Variants in PACRG observed in about 807,000 individuals in gnomAD.
PACRG encodes the protein parkin coregulated.
Under a neutral mutation model 29.7 loss-of-function variants are expected in PACRG, and 29 were observed. The ratio of observed to expected loss-of-function variants is 0.98; its 90% CI spans 0.73 to 1.33. PACRG has a LOEUF of 1.33. Among genes scored for constraint, PACRG ranks in the 40% most tolerant of loss-of-function variants. The probability of loss-of-function intolerance (pLI) is 0.00; values close to 1 mark genes in which losing one functional copy is unlikely to be tolerated. For missense variants in PACRG, 279 were observed against 316.2 expected (o/e 0.88, Z 0.89); for synonymous variants, 116 against 118.7 (o/e 0.98, Z 0.15).
intron 4 of PACRG, among the ~76,000 whole-genome samples, chr6:163,302,540 C>T (rs1038973316): frequency 6.6e-6 from 1 of 152,202 alleles, no homozygotes; most frequent in Non-Finnish European, 1.5e-5. Flanking sequence ...TAACTGAGTT[C>T]AGCCAGCAGA....
chr6:163,020,890 A>G (rs1446102490), intron 2 of PACRG, among the ~76,000 whole-genome samples: 1 of 152,106 alleles, frequency 6.6e-6, no homozygotes, highest in African/African-American at 2.4e-5. Flanking sequence ...AATGTCTACA[A>G]TTAACTCTTG....
chr6:162,824,736 G>A (rs67712738), intron 2 of PACRG, among the ~76,000 whole-genome samples: 15,427 of 152,190 alleles, frequency 0.1, 924 homozygotes, highest in Middle Eastern at 0.17. Flanking sequence ...GGAAAGACAT[G>A]GTGCTGAGCT....
At chr6:163,119,776 G>A (rs1293924685) in intron 4 of PACRG, among the ~76,000 whole-genome samples, 1 of 152,180 alleles carries the variant, frequency 6.6e-6, no homozygotes, top group African/African-American at 2.4e-5. Flanking sequence ...GAAAAGTGCT[G>A]AGAAAACAAT....
chr6:163,281,076 TG>T (rs1412733364), intron 4 of PACRG, among the ~76,000 whole-genome samples: 2 of 151,750 alleles, frequency 1.3e-5, no homozygotes, highest in East Asian at 3.9e-4. Context: ...CATCCGGAGA[TG>T]GGGGGATGCT....
intron 2 of PACRG, among the ~76,000 whole-genome samples, chr6:162,937,806 A>C (rs541938916): frequency 2.0e-5 from 3 of 152,268 alleles, no homozygotes; most frequent in East Asian, 3.9e-4. Flanking sequence ...CCAAAACTTC[A>C]AATCTAGGAA....
At chr6:162,998,599 A>G (rs1177143252) in intron 2 of PACRG, among the ~76,000 whole-genome samples, 1 of 152,140 alleles carries the variant, frequency 6.6e-6, no homozygotes, top group African/African-American at 2.4e-5. Flanking sequence ...ATGAGAATTC[A>G]TTCTTTGTTA....
At chr6:163,245,511 T>C (rs1213946568) in intron 4 of PACRG, among the ~76,000 whole-genome samples, 1 of 152,140 alleles carries the variant, frequency 6.6e-6, no homozygotes, top group Non-Finnish European at 1.5e-5. Flanking sequence ...TATGGTTAGT[T>C]CTAAGTCAGC....
intron 4 of PACRG, among the ~76,000 whole-genome samples, chr6:163,272,437 C>T (rs919106284): frequency 1.3e-5 from 2 of 152,188 alleles, no homozygotes; most frequent in African/African-American, 4.8e-5. Flanking sequence ...TTACAATCCT[C>T]CTAAATGTGA....
intron 2 of PACRG, among the ~76,000 whole-genome samples, chr6:162,948,165 C>T (rs1799383222): frequency 6.6e-6 from 1 of 152,052 alleles, no homozygotes; most frequent in Admixed American, 6.6e-5. Flanking sequence ...CTTTAGTAAC[C>T]AGAACAGGAT....
At chr6:163,159,252 A>G (rs1778448675) in intron 4 of PACRG, among the ~76,000 whole-genome samples, 1 of 131,972 alleles carries the variant, frequency 7.6e-6, no homozygotes, top group South Asian at 2.2e-4. Flanking sequence ...TTAGCTAAGA[A>G]TAAATACTGT....
intron 4 of PACRG, among the ~76,000 whole-genome samples, chr6:163,274,798 A>G (rs1370212313): frequency 2.6e-5 from 4 of 151,214 alleles, no homozygotes; most frequent in African/African-American, 7.3e-5. Context: ...AATAAAATCA[A>G]GTTACTTGGT....
chr6:163,079,128 T>A (rs1282763697), intron 3 of PACRG, among the ~76,000 whole-genome samples: 1 of 152,122 alleles, frequency 6.6e-6, no homozygotes, highest in African/African-American at 2.4e-5. Context: ...GTAATGAGAT[T>A]ATACAAATAG....
At chr6:162,950,775 G>A (rs1799589455) in intron 2 of PACRG, among the ~76,000 whole-genome samples, 1 of 152,042 alleles carries the variant, frequency 6.6e-6, no homozygotes. Flanking sequence ...AATGTATATG[G>A]GAAAAATTCA....
Position 163,015,686 on chromosome 6 carries a change from A to G in PACRG, c.292-46464A>G, listed in dbSNP as rs565084469. ...GTATAGAAATGCTACTGATTTTTAT[A>G]CATTGATTTTGTATCCTGAAACTCT... On this transcript the variant is annotated intron_variant, in intron 2 of 4. Coordinates refer to ENST00000366888, the MANE Select transcript of PACRG (RefSeq NM_001080379.2). Among the ~76,000 whole-genome samples, 3 of 152,278 alleles carry G rather than the reference A, an allele frequency of 2.0e-5. No homozygotes were observed. The South Asian group carries it at 6.2e-4, about 32-fold the overall frequency.
At chr6:162,741,027 C>A (rs373262094) in intron 1 of PACRG, among the ~76,000 whole-genome samples, 3 of 152,204 alleles carry the variant, frequency 2.0e-5, no homozygotes, top group South Asian at 2.1e-4. Context: ...AGTCTGTTAA[C>A]GTTAATTATG....
chr6:162,954,913 A>G (rs546526253), intron 2 of PACRG, among the ~76,000 whole-genome samples: 453 of 152,352 alleles, frequency 3.0e-3, no homozygotes, highest in Middle Eastern at 6.8e-3. Context: ...TGATATTAGT[A>G]GCTGAGAATA....
At chr6:162,814,076 A>C (rs1273400946) in intron 1 of PACRG, 71 bp from the exon 2 acceptor site, 1 of 1,454,768 alleles carries the variant, frequency 6.9e-7, no homozygotes, top group African/African-American at 1.4e-5. Context: ...TTAAAAACAG[A>C]AAGTTCTTTT....
intron 1 of PACRG, among the ~76,000 whole-genome samples, chr6:162,813,011 T>C (rs1300524466): frequency 1.3e-5 from 2 of 152,056 alleles, no homozygotes; most frequent in Non-Finnish European, 2.9e-5. Context: ...CATTTAATCA[T>C]TGTAATAAGG....
At position 163,228,042 on chromosome 6, in the gene PACRG, A is replaced by T. The variant is rs146405156; in HGVS notation, c.614-86785A>T. 2.0e-5 allele frequency among the ~76,000 whole-genome samples: 3 copies of T among 152,350 alleles called. No individual in the cohort carries two copies. In the East Asian group the frequency reaches 5.8e-4, roughly 29 times the overall value. On this transcript the variant is annotated intron_variant, in intron 4 of 4. Coordinates refer to ENST00000366888, the MANE Select transcript of PACRG (RefSeq NM_001080379.2). ...AACATCAAAACAAGCATGAGTTCAG[A>T]GTCTGGAAATGTATCCAGAAGGTTA...
Sources: gnomAD v4.1 joint callset for allele counts (sites outside exome capture counted in the v4.1 genomes callset) on GRCh38, gnomAD v4.1.1 for gene constraint, MANE v1.5 for transcripts, NCBI Gene and HGNC (gene_info 2026-07-23, HGNC 2026-07-21) for gene names.